Variants in CNTNAP2 observed in about 807,000 individuals in gnomAD.
CNTNAP2 encodes the protein contactin-associated protein-like 2.
Under a neutral mutation model 155.2 loss-of-function variants are expected in CNTNAP2, and 98 were observed. The ratio of observed to expected loss-of-function variants is 0.63; its 90% confidence interval spans 0.54 to 0.75. The LOEUF (loss-of-function observed/expected upper bound fraction) is 0.75, where lower values mean the gene tolerates loss of function less well. CNTNAP2 is among the 30% of genes least tolerant of loss of function. CNTNAP2 has a pLI of 0.00. For synonymous variants in CNTNAP2, 651 were observed against 631.2 expected (o/e 1.03, Z -0.47); for missense variants, 1,727 against 1,688.1 (o/e 1.02, Z -0.40).
At chr7:146,350,359 G>T (rs1338117455) in intron 1 of CNTNAP2, among the ~76,000 whole-genome samples, 1 of 152,038 alleles carries the variant, frequency 6.6e-6, no homozygotes, top group African/African-American at 2.4e-5. Flanking sequence ...CCATCAAAAA[G>T]TGGGCGAAGG....
At chr7:146,649,736 C>A (rs527559347) in intron 1 of CNTNAP2, among the ~76,000 whole-genome samples, 2 of 152,236 alleles carry the variant, frequency 1.3e-5, no homozygotes, top group Admixed American at 6.6e-5. Flanking sequence ...TTTCCATAAT[C>A]TTTATTCTGG....
At chr7:147,888,590 G>A (rs10278677) in intron 13 of CNTNAP2, among the ~76,000 whole-genome samples, 1 of 151,474 alleles carries the variant, frequency 6.6e-6, no homozygotes, top group Non-Finnish European at 1.5e-5. Flanking sequence ...TTAAGATTCA[G>A]ATTAAGGCAT....
intron 3 of CNTNAP2, among the ~76,000 whole-genome samples, chr7:147,004,212 C>CAA (rs71525979): frequency 0.079 from 7,714 of 97,490 alleles, 277 homozygotes; most frequent in Middle Eastern, 0.15. Flanking sequence ...ACTCATATAC[C>CAA]AAAAAAAAAA....
chr7:147,205,124 G>C (rs1274336608), intron 8 of CNTNAP2, among the ~76,000 whole-genome samples: 2 of 152,096 alleles, frequency 1.3e-5, no homozygotes, highest in Non-Finnish European at 2.9e-5. Context: ...TGGTACAAAA[G>C]TTTTTGGGTT....
intron 1 of CNTNAP2, among the ~76,000 whole-genome samples, chr7:146,404,665 C>T (rs901121579): frequency 6.6e-6 from 1 of 152,104 alleles, no homozygotes; most frequent in South Asian, 2.1e-4. Context: ...GGAACCTGAA[C>T]GCCTGTGGAG....
chr7:146,341,578 C>T (rs1415272135), intron 1 of CNTNAP2, among the ~76,000 whole-genome samples: 5 of 152,068 alleles, frequency 3.3e-5, no homozygotes, highest in Non-Finnish European at 7.4e-5. Context: ...TTTAATCACA[C>T]ATAACATAGT....
chr7:147,718,677 A>T (rs544641390), intron 13 of CNTNAP2, among the ~76,000 whole-genome samples: 5 of 152,174 alleles, frequency 3.3e-5, no homozygotes, highest in Admixed American at 3.3e-4. Flanking sequence ...GTACCATGTA[A>T]ATGGATAGAG....
intron 13 of CNTNAP2, among the ~76,000 whole-genome samples, chr7:147,874,027 C>T (rs982219061): frequency 5.3e-5 from 8 of 152,206 alleles, no homozygotes; most frequent in African/African-American, 1.9e-4. Context: ...AAGGTTGGCT[C>T]ACACAGCCTT....
At chr7:147,423,527 T>C (rs2116513155) in intron 10 of CNTNAP2, among the ~76,000 whole-genome samples, 1 of 152,264 alleles carries the variant, frequency 6.6e-6, no homozygotes, top group South Asian at 2.1e-4. Flanking sequence ...TGGAAATGTA[T>C]AGACCCTTGG....
chr7:146,451,735 C>A (rs1008961073), intron 1 of CNTNAP2, among the ~76,000 whole-genome samples: 12 of 151,360 alleles, frequency 7.9e-5, no homozygotes, highest in Non-Finnish European at 1.5e-4. Flanking sequence ...GCTTAAATAT[C>A]ATTTTGATTT....
intron 21 of CNTNAP2, among the ~76,000 whole-genome samples, chr7:148,346,225 T>C (rs1353689660): frequency 6.6e-6 from 1 of 152,220 alleles, no homozygotes; most frequent in African/African-American, 2.4e-5. Context: ...AAGAACAATT[T>C]AAAAATGCAA....
intron 8 of CNTNAP2, among the ~76,000 whole-genome samples, chr7:147,276,803 T>G (rs1461662501): frequency 6.6e-6 from 1 of 151,842 alleles, no homozygotes; most frequent in African/African-American, 2.4e-5. Context: ...ATAAGAAATT[T>G]TTCTTTCAAA....
At chr7:147,544,351 TA>T (rs1380508392) in intron 11 of CNTNAP2, among the ~76,000 whole-genome samples, 4 of 152,132 alleles carry the variant, frequency 2.6e-5, no homozygotes, top group Non-Finnish European at 4.4e-5. Context: ...AGGCTCCTGG[TA>T]ATGAGAGAAA....
At chr7:147,024,599 C>G (rs1490305962) in intron 3 of CNTNAP2, among the ~76,000 whole-genome samples, 3 of 152,076 alleles carry the variant, frequency 2.0e-5, no homozygotes, top group Admixed American at 2.0e-4. Context: ...AATCATTGCA[C>G]AATAAAAATT....
At chr7:147,101,666 A>T (rs528518587) in intron 4 of CNTNAP2, among the ~76,000 whole-genome samples, 2 of 152,010 alleles carry the variant, frequency 1.3e-5, no homozygotes, top group Non-Finnish European at 2.9e-5. Context: ...TGGAAAGGAG[A>T]TGGAGTGGGA....
intron 4 of CNTNAP2, among the ~76,000 whole-genome samples, chr7:147,097,880 A>G (rs1043595515): frequency 7.2e-5 from 11 of 152,296 alleles, no homozygotes; most frequent in African/African-American, 2.4e-4. Flanking sequence ...TGTCAATTTC[A>G]TTTTAAATTC....
At chr7:147,240,420 G>GATT (rs1310011838) in intron 8 of CNTNAP2, among the ~76,000 whole-genome samples, 9 of 152,162 alleles carry the variant, frequency 5.9e-5, no homozygotes, top group Admixed American at 2.0e-4. Flanking sequence ...TAAACAAGGT[G>GATT]ATTAGCTCAC....
intron 14 of CNTNAP2, among the ~76,000 whole-genome samples, chr7:147,966,995 G>A (rs1801227001): frequency 6.6e-6 from 1 of 151,774 alleles, no homozygotes; most frequent in Non-Finnish European, 1.5e-5. Flanking sequence ...AATTTTAAAA[G>A]AATACTGGGC....
At chr7:148,059,671 G>T (rs1010142245) in intron 15 of CNTNAP2, among the ~76,000 whole-genome samples, 2 of 149,400 alleles carry the variant, frequency 1.3e-5, no homozygotes, top group Non-Finnish European at 3.0e-5. Flanking sequence ...CTTCATGTAG[G>T]TTATTAAAAA....
Sources: allele counts gnomAD v4.1 joint callset (sites outside exome capture counted in the v4.1 genomes callset), GRCh38; gene constraint gnomAD v4.1.1; transcripts MANE v1.5; gene names NCBI Gene and HGNC (gene_info 2026-07-23, HGNC 2026-07-21).